EPHA6: variants seen among roughly 807,000 people sequenced by gnomAD.
EPHA6 encodes ephrin type-A receptor 6.
Under a neutral mutation model 112.0 loss-of-function variants are expected in EPHA6, and 50 were observed. The observed-to-expected ratio is 0.45, with a 90% CI of 0.36 to 0.56. The LOEUF (loss-of-function observed/expected upper bound fraction) is 0.56, where lower values mean the gene tolerates loss of function less well. Among genes scored for constraint, EPHA6 ranks in the 20% least tolerant of loss-of-function variants. EPHA6 has a pLI of 0.00. For missense variants in EPHA6, 1,280 were observed against 1,417.4 expected (o/e 0.90, Z 1.56); for synonymous variants, 529 against 490.7 (o/e 1.08, Z -1.03).
At chr3:97,329,296 T>C (rs1046100252) in intron 5 of EPHA6, among the ~76,000 whole-genome samples, 2 of 151,508 alleles carry the variant, frequency 1.3e-5, no homozygotes, top group African/African-American at 4.9e-5. Context: ...TGTGTCTTTA[T>C]AGCAGCATGA....
chr3:97,159,749 C>T (rs1212996357), intron 3 of EPHA6, among the ~76,000 whole-genome samples: 1 of 152,154 alleles, frequency 6.6e-6, no homozygotes, highest in Non-Finnish European at 1.5e-5. Flanking sequence ...ATTGCCATAC[C>T]TCCTTTGCTG....
At chr3:96,947,141 T>C (rs2041307923) in intron 2 of EPHA6, among the ~76,000 whole-genome samples, 2 of 152,140 alleles carry the variant, frequency 1.3e-5, no homozygotes, top group Non-Finnish European at 2.9e-5. Flanking sequence ...GCCTGTTCAC[T>C]CTGATGGTAG....
At chr3:97,494,422 A>G (rs1437346654) in intron 10 of EPHA6, among the ~76,000 whole-genome samples, 2 of 152,210 alleles carry the variant, frequency 1.3e-5, no homozygotes, top group African/African-American at 2.4e-5. Context: ...TTCTTCAAAC[A>G]TCTCATCCAC....
chr3:97,365,009 G>A (rs896346729), intron 5 of EPHA6, among the ~76,000 whole-genome samples: 1 of 152,110 alleles, frequency 6.6e-6, no homozygotes, highest in African/African-American at 2.4e-5. Context: ...AGGAATAGGA[G>A]AATTGCATGT....
chr3:97,229,323 T>A (rs1437199012), intron 4 of EPHA6, among the ~76,000 whole-genome samples: 3 of 152,196 alleles, frequency 2.0e-5, no homozygotes, highest in Non-Finnish European at 4.4e-5. Context: ...TTTTCTGATG[T>A]TATCTTCTAG....
intron 5 of EPHA6, among the ~76,000 whole-genome samples, chr3:97,275,864 T>C (rs2080059174): frequency 6.6e-6 from 1 of 151,730 alleles, no homozygotes; most frequent in South Asian, 2.1e-4. Flanking sequence ...CAAAGGAGGC[T>C]TTGAACTGGG....
At chr3:97,236,002 A>G (rs1358719473) in intron 4 of EPHA6, among the ~76,000 whole-genome samples, 2 of 152,034 alleles carry the variant, frequency 1.3e-5, no homozygotes, top group African/African-American at 4.8e-5. Context: ...TGAATGTTTT[A>G]TCTAATGTTT....
rs535341106 is a variant in EPHA6 at position 97,758,816 on chromosome 3, C to T, written c.*10115C>T. 6.6e-6 allele frequency among the ~76,000 whole-genome samples: 1 copy of T among 151,702 alleles called. No individual in the cohort carries two copies. Among genetic ancestry groups the T allele is most frequent in the African/African-American group, 2.4e-5 (1 of 41,406 alleles). On this transcript the variant is annotated 3_prime_UTR_variant, in exon 18 of 18. Coordinates refer to ENST00000389672, the MANE Select transcript of EPHA6 (RefSeq NM_001080448.3). Reference sequence around the variant, plus strand: ...AAAATTTAATGAATGAAATTACAAGCAGAGGGGGATAGTTAATGAATGAAA... The same window carrying T: ...AAAATTTAATGAATGAAATTACAAGTAGAGGGGGATAGTTAATGAATGAAA...
intron 3 of EPHA6, among the ~76,000 whole-genome samples, chr3:97,190,662 T>C (rs1157218238): frequency 6.6e-6 from 1 of 152,124 alleles, no homozygotes; most frequent in Non-Finnish European, 1.5e-5. Context: ...TATGTATAGA[T>C]TGTGGAATGA....
intron 1 of EPHA6, among the ~76,000 whole-genome samples, chr3:96,840,072 A>G (rs550995089): frequency 2.0e-4 from 30 of 152,192 alleles, no homozygotes; most frequent in African/African-American, 6.7e-4. Flanking sequence ...GCTGGCTGAT[A>G]AGTGCTCCAG....
intron 3 of EPHA6, among the ~76,000 whole-genome samples, chr3:97,169,557 T>C (rs57240077): frequency 0.013 from 1,992 of 152,256 alleles, 49 homozygotes; most frequent in African/African-American, 0.044. Flanking sequence ...TAGAGGCTTA[T>C]TAAAGCCTCT....
Position 97,747,484 on chromosome 3 carries a change from C to G in EPHA6, c.3190C>G (p.Leu1064Val). 1.2e-6 allele frequency: 2 copies of G among 1,607,880 alleles called. No homozygotes were observed. Among genetic ancestry groups the G allele is most frequent in the Non-Finnish European group, 1.7e-6 (2 of 1,176,884 alleles). The change falls in exon 17 of 18, where the codon CTA becomes GTA. Residue 1064 changes from leucine (L) to valine (V), a missense_variant. Coordinates refer to ENST00000389672, the MANE Select transcript of EPHA6 (RefSeq NM_001080448.3). ...TTTGTTTGTCACAGTTGGTGACTGG[C>G]TAGATTCTATAAAGATGGGGCAATA... is the stretch of plus-strand genomic sequence containing the variant. ...YPLFVTVGDW[L>V]DSIKMGQYKN... is the part of the protein sequence containing the mutation.
intron 12 of EPHA6, among the ~76,000 whole-genome samples, chr3:97,597,418 G>C (rs763071614): frequency 3.3e-5 from 5 of 152,152 alleles, no homozygotes; most frequent in Middle Eastern, 3.4e-3. Flanking sequence ...CTATATTTGC[G>C]ATTACTGAGT....
chr3:97,339,815 G>A (rs972086862), intron 5 of EPHA6, among the ~76,000 whole-genome samples: 1 of 152,174 alleles, frequency 6.6e-6, no homozygotes, highest in Non-Finnish European at 1.5e-5. Context: ...ACTGAAAGAA[G>A]CAGCTCACAT....
chr3:97,374,835 T>G (rs1443944648), intron 5 of EPHA6, among the ~76,000 whole-genome samples: 2 of 151,388 alleles, frequency 1.3e-5, no homozygotes, highest in Admixed American at 1.3e-4. Context: ...ACATTACTAC[T>G]TTTTTACCAA....
chr3:97,009,932 T>G, intron 3 of EPHA6: 4 of 491,248 alleles, frequency 8.1e-6, no homozygotes, highest in Non-Finnish European at 1.1e-5. Flanking sequence ...TCAATTTTGA[T>G]GAGAGAACCT....
intron 1 of EPHA6, among the ~76,000 whole-genome samples, chr3:96,863,928 G>C (rs1017601357): frequency 6.6e-6 from 1 of 151,960 alleles, no homozygotes; most frequent in African/African-American, 2.4e-5. Context: ...AATCTTTGAT[G>C]AGAAAATTAG....
rs79931603 is a variant in EPHA6 at position 97,601,814 on chromosome 3, G to A, written c.2513-8979G>A. 1.7e-3 allele frequency among the ~76,000 whole-genome samples: 263 copies of A among 152,096 alleles called. 9 individuals are homozygous for A. The East Asian group carries it at 0.035, about 20-fold the overall frequency. The stretch of plus-strand genomic sequence containing the variant: ...TAAAATCACTCTGTAAATTACCTAC[G>A]TAGTTAGAATACATGAAATATATTC... On this transcript the variant is annotated intron_variant, in intron 12 of 17. Transcript: ENST00000389672.
At chr3:97,319,231 T>G (rs1213047874) in intron 5 of EPHA6, among the ~76,000 whole-genome samples, 15 of 151,590 alleles carry the variant, frequency 9.9e-5, no homozygotes, top group Non-Finnish European at 2.1e-4. Context: ...CAGTAAAATT[T>G]TAGTTCAATG....
Sources: allele counts gnomAD v4.1 joint callset (sites outside exome capture counted in the v4.1 genomes callset), GRCh38; gene constraint gnomAD v4.1.1; transcripts MANE v1.5; gene names NCBI Gene and HGNC (gene_info 2026-07-23, HGNC 2026-07-21).